Variants in ZNF385D observed in about 807,000 individuals in gnomAD.
The protein encoded by ZNF385D is zinc finger protein 659.
Under a neutral mutation model 35.8 loss-of-function variants are expected in ZNF385D, and 15 were observed. The ratio of observed to expected loss-of-function variants is 0.42; its 90% CI spans 0.28 to 0.64. The LOEUF (loss-of-function observed/expected upper bound fraction) is 0.64. ZNF385D is among the 30% of genes least tolerant of loss of function. The probability of loss-of-function intolerance (pLI) is 0.23; values close to 1 mark genes in which losing one functional copy is unlikely to be tolerated. For synonymous variants in ZNF385D, 212 were observed against 186.8 expected (o/e 1.13, Z -1.10); for missense variants, 474 against 494.6 (o/e 0.96, Z 0.39).
chr3:22,111,919 G>A (rs577934500), intron 3 of ZNF385D, among the ~76,000 whole-genome samples: 1 of 152,066 alleles, frequency 6.6e-6, no homozygotes, highest in Non-Finnish European at 1.5e-5. Flanking sequence ...AATACATTCA[G>A]TTCCAGTGCT....
chr3:21,594,867 T>C (rs2064086200), intron 2 of ZNF385D, among the ~76,000 whole-genome samples: 2 of 152,184 alleles, frequency 1.3e-5, no homozygotes, highest in African/African-American at 4.8e-5. Context: ...ATGATAATTA[T>C]AAACACATTT....
intron 4 of ZNF385D, among the ~76,000 whole-genome samples, chr3:21,478,435 G>T (rs1273124669): frequency 2.0e-5 from 3 of 152,070 alleles, no homozygotes; most frequent in Non-Finnish European, 4.4e-5. Context: ...CTAACATTAT[G>T]TTCATTTTCT....
At chr3:22,351,250 C>T (rs531886835) in intron 2 of ZNF385D, among the ~76,000 whole-genome samples, 2 of 152,160 alleles carry the variant, frequency 1.3e-5, no homozygotes, top group African/African-American at 2.4e-5. Flanking sequence ...AATGAATATG[C>T]TGCATTCTAA....
chr3:21,585,133 T>TA (rs2063773857), intron 2 of ZNF385D, among the ~76,000 whole-genome samples: 1 of 151,608 alleles, frequency 6.6e-6, no homozygotes, highest in African/African-American at 2.4e-5. Context: ...TCTTGGTTCC[T>TA]AAAAATGTAT....
At chr3:21,882,472 G>T (rs1013096885) in intron 3 of ZNF385D, among the ~76,000 whole-genome samples, 4 of 151,922 alleles carry the variant, frequency 2.6e-5, no homozygotes, top group Non-Finnish European at 5.9e-5. Context: ...ATAGACTATA[G>T]TACAGTATAA....
chr3:21,478,918 T>C (rs1008710416), intron 4 of ZNF385D, among the ~76,000 whole-genome samples: 2 of 152,052 alleles, frequency 1.3e-5, no homozygotes, highest in Admixed American at 1.3e-4. Context: ...CAGGAGGTTT[T>C]AAAATGTTTA....
At chr3:22,160,389 A>C (rs1705868781) in intron 3 of ZNF385D, among the ~76,000 whole-genome samples, 1 of 152,152 alleles carries the variant, frequency 6.6e-6, no homozygotes, top group South Asian at 2.1e-4. Context: ...GGAGATCAAA[A>C]GGTGAGACAA....
chr3:21,912,138 C>T (rs1243593335), intron 3 of ZNF385D, among the ~76,000 whole-genome samples: 1 of 151,904 alleles, frequency 6.6e-6, no homozygotes, highest in Admixed American at 6.6e-5. Context: ...CACACCAATA[C>T]AAAGCTATCG....
At chr3:22,077,522 CTTCTT>C (rs1700523353) in intron 3 of ZNF385D, among the ~76,000 whole-genome samples, 1 of 151,942 alleles carries the variant, frequency 6.6e-6, no homozygotes, top group South Asian at 2.1e-4. Context: ...AGAAATTGGT[CTTCTT>C]TTGTCTTAGC....
At chr3:22,025,392 G>C (rs772829633) in intron 3 of ZNF385D, among the ~76,000 whole-genome samples, 4 of 152,144 alleles carry the variant, frequency 2.6e-5, no homozygotes, top group African/African-American at 9.7e-5. Context: ...GACGTTGAGA[G>C]TGTGACCCAT....
chr3:22,231,385 A>G (rs1698880444), intron 2 of ZNF385D, among the ~76,000 whole-genome samples: 1 of 152,216 alleles, frequency 6.6e-6, no homozygotes, highest in Non-Finnish European at 1.5e-5. Flanking sequence ...GTTCCCCATT[A>G]ATACTAGAGC....
Position 22,238,471 on chromosome 3 carries a change from AT to A in ZNF385D, c.107-69437del, listed in dbSNP as rs1259592829. ...TGAAATGCCGTTCCACTTACTTAGG[AT>A]TTTTTTCAACTTCTTTTAATAATAA... On this transcript the variant is annotated intron_variant, in intron 2 of 5. Coordinates refer to the ZNF385D transcript ENST00000494108. 5.3e-5 allele frequency among the ~76,000 whole-genome samples: 8 copies of A among 150,770 alleles called. 1 individual carries two copies. Among genetic ancestry groups the A allele is most frequent in the South Asian group, 2.2e-4 (1 of 4,612 alleles).
intron 2 of ZNF385D, among the ~76,000 whole-genome samples, chr3:22,311,613 A>G (rs1703555133): frequency 6.6e-6 from 1 of 152,158 alleles, no homozygotes; most frequent in African/African-American, 2.4e-5. Flanking sequence ...TGTAAACTCG[A>G]AAGAATTTTA....
intron 3 of ZNF385D, among the ~76,000 whole-genome samples, chr3:21,920,605 T>A (rs1281589619): frequency 7.5e-6 from 1 of 133,384 alleles, no homozygotes; most frequent in Non-Finnish European, 1.6e-5. Flanking sequence ...AGAAGAGGGT[T>A]GATGATGATA....
intron 3 of ZNF385D, among the ~76,000 whole-genome samples, chr3:22,118,441 A>C (rs1702918702): frequency 6.6e-6 from 1 of 152,068 alleles, no homozygotes; most frequent in South Asian, 2.1e-4. Flanking sequence ...GAGGTGAGGG[A>C]GGGAGTGAAA....
chr3:22,245,055 G>T (rs1034018040), intron 2 of ZNF385D, among the ~76,000 whole-genome samples: 3 of 152,016 alleles, frequency 2.0e-5, no homozygotes, highest in African/African-American at 4.8e-5. Flanking sequence ...GTGAATAGAC[G>T]ATCTATGCTG....
chr3:21,993,881 T>G (rs1277058301), intron 3 of ZNF385D, among the ~76,000 whole-genome samples: 1 of 152,184 alleles, frequency 6.6e-6, no homozygotes, highest in Non-Finnish European at 1.5e-5. Flanking sequence ...ATCTCCTTTT[T>G]GTATAATTTC....
intron 3 of ZNF385D, among the ~76,000 whole-genome samples, chr3:22,103,417 C>A (rs575551803): frequency 6.6e-6 from 1 of 152,106 alleles, no homozygotes; most frequent in South Asian, 2.1e-4. Context: ...CCACATGCTA[C>A]TCAAGTCCTC....
At chr3:22,240,160 G>C (rs895688260) in intron 2 of ZNF385D, among the ~76,000 whole-genome samples, 1 of 124,288 alleles carries the variant, frequency 8.0e-6, no homozygotes, top group Admixed American at 1.0e-4. Context: ...TCCAGCCTAG[G>C]TGACAAAGCG....
Sources: gnomAD v4.1 joint callset for allele counts (sites outside exome capture counted in the v4.1 genomes callset) on GRCh38, gnomAD v4.1.1 for gene constraint, MANE v1.5 for transcripts, NCBI Gene and HGNC (gene_info 2026-07-23, HGNC 2026-07-21) for gene names.